The following THSD7B variants were observed in gnomAD, a reference collection of about 807,000 sequenced individuals.
THSD7B encodes thrombospondin type 1 domain containing 7B.
In THSD7B, 138 loss-of-function variants were observed where a neutral mutation model predicts 213.6. The ratio of observed to expected loss-of-function variants is 0.65; its 90% CI spans 0.56 to 0.74. The LOEUF (loss-of-function observed/expected upper bound fraction) is 0.74. Among genes scored for constraint, THSD7B ranks in the 30% least tolerant of loss-of-function variants. The pLI is 0.00. For synonymous variants in THSD7B, 742 were observed against 687.0 expected, an observed-to-expected ratio of 1.08 and a Z score of -1.25; for missense variants, 1,931 against 1,991.5, an observed-to-expected ratio of 0.97 and a Z score of 0.58.
At position 137,260,005 on chromosome 2, in the gene THSD7B, C is replaced by T. The variant is rs750935661; in HGVS notation, c.2267-12528C>T. Among the ~76,000 whole-genome samples the T allele has an allele frequency of 3.3e-5, 5 of 152,136 alleles. No homozygotes were observed. In the South Asian group the frequency reaches 1.0e-3, roughly 32 times the overall value. ...CTGATTTCTCTTATCCAGTAAATCCCAGGCTTTCACTATCAGTGATGGAGA... is the reference window on the plus strand; with the variant it reads ...CTGATTTCTCTTATCCAGTAAATCCTAGGCTTTCACTATCAGTGATGGAGA... On this transcript the variant is annotated intron_variant, in intron 10 of 27. Coordinates refer to ENST00000409968, the MANE Select transcript of THSD7B (RefSeq NM_001316349.2).
At chr2:137,356,764 A>G (rs963023629) in intron 12 of THSD7B, among the ~76,000 whole-genome samples, 30 of 152,292 alleles carry the variant, frequency 2.0e-4, no homozygotes, top group Middle Eastern at 3.4e-3. Context: ...TGACTCTTGA[A>G]CTGAATACAC....
intron 15 of THSD7B, among the ~76,000 whole-genome samples, chr2:137,559,401 A>T (rs763143600): frequency 1.3e-5 from 2 of 152,204 alleles, no homozygotes; most frequent in Non-Finnish European, 2.9e-5. Context: ...GCCCTCAGAG[A>T]TAATACCACA....
At chr2:137,273,384 C>T (rs989050103) in intron 11 of THSD7B, among the ~76,000 whole-genome samples, 8 of 152,084 alleles carry the variant, frequency 5.3e-5, no homozygotes, top group African/African-American at 1.9e-4. Flanking sequence ...CCCCTTTTAA[C>T]ACCTGACAGT....
chr2:137,062,624 ATTTTG>A (rs1687299148), intron 3 of THSD7B, among the ~76,000 whole-genome samples: 1 of 151,692 alleles, frequency 6.6e-6, no homozygotes, highest in East Asian at 1.9e-4. Context: ...GGGGTTCTCT[ATTTTG>A]TTATTAATTT....
intron 7 of THSD7B, among the ~76,000 whole-genome samples, chr2:137,182,219 C>T (rs1156594981): frequency 6.6e-6 from 1 of 152,048 alleles, no homozygotes; most frequent in African/African-American, 2.4e-5. Flanking sequence ...CAAGTAGGAC[C>T]CTGTGCTTTA....
At chr2:137,264,751 T>C (rs1682541506) in intron 10 of THSD7B, among the ~76,000 whole-genome samples, 1 of 152,026 alleles carries the variant, frequency 6.6e-6, no homozygotes, top group African/African-American at 2.4e-5. Flanking sequence ...CATTAATTTT[T>C]AATTCCATGT....
At chr2:137,527,650 G>A (rs1045920712) in intron 15 of THSD7B, among the ~76,000 whole-genome samples, 12 of 151,932 alleles carry the variant, frequency 7.9e-5, no homozygotes, top group African/African-American at 2.2e-4. Context: ...TGATCCAAAG[G>A]TAAACATTAG....
chr2:137,587,839 G>A (rs1316256255), intron 17 of THSD7B, among the ~76,000 whole-genome samples: 2 of 152,190 alleles, frequency 1.3e-5, no homozygotes, highest in Non-Finnish European at 2.9e-5. Flanking sequence ...TCCATGCTGG[G>A]AGAACCACTA....
intron 12 of THSD7B, among the ~76,000 whole-genome samples, chr2:137,291,718 A>G (rs1291719361): frequency 6.6e-5 from 10 of 152,158 alleles, no homozygotes. Context: ...TGCATATTTT[A>G]CAAATTCCTT....
At chr2:137,358,184 T>C (rs892799521) in intron 12 of THSD7B, among the ~76,000 whole-genome samples, 2 of 152,230 alleles carry the variant, frequency 1.3e-5, no homozygotes, top group Non-Finnish European at 2.9e-5. Flanking sequence ...TCAGTTTTGT[T>C]TGCTTGTTTG....
rs75708539 is a variant in THSD7B at position 137,390,673 on chromosome 2, C to T, written c.2501-14940C>T. On this transcript the variant is annotated intron_variant, in intron 12 of 27. Coordinates refer to ENST00000409968, the MANE Select transcript of THSD7B (RefSeq NM_001316349.2). ...AGTATGATGTTAGCTCTCAGTTTGT[C>T]ATACATGGTCTTTATTATTTTGAGG... Among the ~76,000 whole-genome samples the T allele has an allele frequency of 1.5e-4, 23 of 152,258 alleles. No homozygotes were observed. The East Asian group carries it at 4.4e-3, about 29-fold the overall frequency.
At chr2:137,121,453 T>C (rs1419673855) in intron 5 of THSD7B, among the ~76,000 whole-genome samples, 1 of 152,208 alleles carries the variant, frequency 6.6e-6, no homozygotes. Context: ...AAAGTTAACA[T>C]GACTAAACTG....
At chr2:137,011,925 T>A (rs1002273083) in intron 2 of THSD7B, among the ~76,000 whole-genome samples, 1 of 152,192 alleles carries the variant, frequency 6.6e-6, no homozygotes, top group African/African-American at 2.4e-5. Context: ...GATTATAAAT[T>A]CTTGGAAAGG....
chr2:136,911,813 C>T (rs912187278), intron 2 of THSD7B, among the ~76,000 whole-genome samples: 14 of 152,292 alleles, frequency 9.2e-5, no homozygotes, highest in Middle Eastern at 3.4e-3. Context: ...CCAAATCCTA[C>T]GGATATATTT....
chr2:137,563,124 T>A, intron 15 of THSD7B, 97 bp from the exon 16 acceptor site: 1 of 1,354,928 alleles, frequency 7.4e-7, no homozygotes, highest in Non-Finnish European at 9.9e-7. Flanking sequence ...GAGTGCAGTT[T>A]CTTGGGTTAT....
intron 4 of THSD7B, among the ~76,000 whole-genome samples, chr2:137,105,044 C>T (rs1688221022): frequency 6.6e-6 from 1 of 152,176 alleles, no homozygotes; most frequent in Admixed American, 6.5e-5. Flanking sequence ...GGGAATCCTC[C>T]CTAACACATT....
At chr2:137,074,484 C>A (rs1221461641) in intron 3 of THSD7B, among the ~76,000 whole-genome samples, 2 of 152,186 alleles carry the variant, frequency 1.3e-5, no homozygotes, top group Non-Finnish European at 2.9e-5. Context: ...TGTGTCCCTG[C>A]ATGTGAGATG....
At chr2:136,784,038 G>C (rs1681793762) in intron 1 of THSD7B, among the ~76,000 whole-genome samples, 1 of 152,222 alleles carries the variant, frequency 6.6e-6, no homozygotes, top group Non-Finnish European at 1.5e-5. Context: ...TGTGTTCTAA[G>C]AATGTGTGTC....
At chr2:137,088,253 A>AT (rs1228189797) in intron 3 of THSD7B, among the ~76,000 whole-genome samples, 1 of 152,078 alleles carries the variant, frequency 6.6e-6, no homozygotes, top group Non-Finnish European at 1.5e-5. Context: ...AAAATAAAAA[A>AT]AAAATAAAAT....
Sources: gnomAD v4.1 joint callset for allele counts (sites outside exome capture counted in the v4.1 genomes callset) on GRCh38, gnomAD v4.1.1 for gene constraint, MANE v1.5 for transcripts, NCBI Gene and HGNC (gene_info 2026-07-23, HGNC 2026-07-21) for gene names.